VPS11: variants seen among roughly 807,000 people sequenced by gnomAD.
The protein encoded by VPS11 is vacuolar protein sorting-associated protein 11 homolog.
Under a neutral mutation model 106.8 loss-of-function variants are expected in VPS11, and 51 were observed. The observed-to-expected ratio is 0.48, with a 90% CI of 0.38 to 0.60. The LOEUF (loss-of-function observed/expected upper bound fraction) is 0.60, where lower values mean the gene tolerates loss of function less well. VPS11 is among the 20% of genes least tolerant of loss of function. The probability of loss-of-function intolerance (pLI) is 0.00; values close to 1 mark genes in which losing one functional copy is unlikely to be tolerated. For missense variants in VPS11, 950 were observed against 1,190.0 expected (o/e 0.80, Z 2.97); for synonymous variants, 453 against 458.7 (o/e 0.99, Z 0.16).
rs370582110 is a variant in VPS11 at position 119,070,219 on chromosome 11, C to G, written c.473-15C>G. On this transcript the variant is annotated splice_polypyrimidine_tract_variant and intron_variant, in intron 3 of 15. Coordinates refer to ENST00000621676, the MANE Select transcript of VPS11 (RefSeq NM_021729.6). ...TTTTCAGCCTTACTGAAGTAATTTT[C>G]TTGTTTTCTTACAGGTTTCACAGAT... 1 of 1,599,016 alleles carries G rather than the reference C, an allele frequency of 6.3e-7. No individual in the cohort carries two copies. Among genetic ancestry groups the G allele is most frequent in the Non-Finnish European group, 8.5e-7 (1 of 1,170,950 alleles).
chr11:119,070,432 G>C (rs782470900), intron 4 of VPS11, 35 bp downstream of exon 4: 2 of 1,582,470 alleles, frequency 1.3e-6, no homozygotes, highest in Admixed American at 3.5e-5. Flanking sequence ...GGAGCAGGCA[G>C]GGAGGGCTTC....
chr11:119,079,446 C>CA, intron 14 of VPS11, 146 bp downstream of exon 14: 2 of 1,043,282 alleles, frequency 1.9e-6, no homozygotes, highest in Non-Finnish European at 2.7e-6. Flanking sequence ...TGAGGAATTC[C>CA]AAAAAATGGT....
chr11:119,077,144 C>G, intron 8 of VPS11, 61 bp downstream of exon 8: 1 of 1,558,646 alleles, frequency 6.4e-7, no homozygotes, highest in Non-Finnish European at 8.7e-7. Flanking sequence ...GTGGCTCCAC[C>G]GGGACTTGTT....
At chr11:119,078,134 C>A in intron 10 of VPS11, 39 bp from the exon 11 acceptor site, 1 of 1,610,416 alleles carries the variant, frequency 6.2e-7, no homozygotes, top group South Asian at 1.1e-5. Context: ...ATATCACGCC[C>A]ACTCATTCAG....
Position 119,081,257 on chromosome 11 carries a change from G to T in VPS11, c.2604G>T (p.Met868Ile). 3 of 1,614,022 alleles carry T rather than the reference G, an allele frequency of 1.9e-6. No individual in the cohort carries two copies. The highest frequency in any genetic ancestry group is 2.5e-6 in the Non-Finnish European group (3 of 1,179,904). The change falls in exon 15 of 16, where the codon ATG (methionine) becomes ATT (isoleucine). Residue 868 changes from methionine (M) to isoleucine (I), a missense_variant. By Grantham distance (10) the Met-to-Ile change is conservative (BLOSUM62 1). This residue lies in a region of VPS11 where 453 missense variants were observed against 514.6 expected (regional missense o/e 0.88). Transcript: ENST00000621676. ...PTCLPENRKVMDMIRAQEQKR... is the reference protein window; with the variant it reads ...PTCLPENRKVIDMIRAQEQKR... ...GCCTCCCTGAAAACCGGAAGGTCAT[G>T]GATATGATCCGGGCCCAGGAACAGA...
intron 11 of VPS11, 94 bp from the exon 12 acceptor site, chr11:119,078,471 G>C: frequency 6.3e-7 from 1 of 1,577,192 alleles, no homozygotes; most frequent in South Asian, 1.1e-5. Flanking sequence ...TGTGAAGAGG[G>C]AATGGACTGA....
At position 119,078,844 on chromosome 11, in the gene VPS11, G is replaced by A; in HGVS notation, c.2113G>A (p.Val705Ile). The A allele has an allele frequency of 6.2e-7, 1 of 1,613,920 alleles. No individual in the cohort carries two copies. The highest frequency in any genetic ancestry group is 8.5e-7 in the Non-Finnish European group (1 of 1,179,864). ...CATGCAGCACGAGCAGTACCGGCAGGTCATCAGCGTGTGTGAGCGCCATGG... is the reference window on the plus strand; with the variant it reads ...CATGCAGCACGAGCAGTACCGGCAGATCATCAGCGTGTGTGAGCGCCATGG... ...YHMQHEQYRQ[V>I]ISVCERHGEQ... is the part of the protein sequence containing the mutation. Residue 705 changes from valine to isoleucine, a missense_variant, in exon 13 of 16, where the codon GTC (valine) becomes ATC (isoleucine). Val to Ile is a conservative substitution (Grantham distance 29). Transcript: ENST00000621676.
intron 6 of VPS11, 56 bp from the exon 7 acceptor site, chr11:119,073,744 G>T: frequency 2.5e-6 from 4 of 1,572,204 alleles, no homozygotes; most frequent in South Asian, 1.1e-5. Context: ...CACATTTTGG[G>T]AAAGTGTCTT....
intron 1 of VPS11, chr11:119,068,311 G>C (rs1166789089): frequency 2.5e-6 from 1 of 401,784 alleles, no homozygotes; most frequent in Non-Finnish European, 4.4e-6. Context: ...ATGCAAGTTG[G>C]CTTTAAAAGA....
In VPS11 at chr11:119,078,706, T is replaced by A; in HGVS notation, c.2063+2T>A. The A allele has an allele frequency of 6.2e-7, 1 of 1,610,526 alleles. No homozygotes were observed. Among genetic ancestry groups the A allele is most frequent in the Non-Finnish European group, 8.5e-7 (1 of 1,177,786 alleles). ...TTACCTTTATGAGCAGGGGAAGCTG[T>A]AAGAGTTTGGGGAATTTCAGGGAAA... On this transcript the variant is annotated splice_donor_variant, in intron 12 of 15. Coordinates refer to ENST00000621676, the MANE Select transcript of VPS11 (RefSeq NM_021729.6). LOFTEE classifies it high-confidence loss of function.
chr11:119,068,545 C>G (rs980741114), intron 1 of VPS11, among the ~76,000 whole-genome samples: 1 of 137,454 alleles, frequency 7.3e-6, no homozygotes, highest in African/African-American at 2.7e-5. Context: ...CTCTTGAGTT[C>G]AAGCGATTCT....
intron 7 of VPS11, among the ~76,000 whole-genome samples, chr11:119,075,578 G>T (rs1197445275): frequency 1.3e-5 from 2 of 150,832 alleles, no homozygotes; most frequent in Non-Finnish European, 2.9e-5. Flanking sequence ...AAGGCCAGGC[G>T]TGGTGGCTCA....
rs568985417 is a variant in VPS11 at position 119,073,929 on chromosome 11, G to A, written c.1216G>A (p.Gly406Arg). The A allele has an allele frequency of 1.2e-6, 2 of 1,613,034 alleles. No homozygotes were observed. The highest frequency in any genetic ancestry group is 1.7e-5 in the Admixed American group (1 of 60,010). ...DHLYSKGNHD[G>R]AVQQYIRTIG... ...TCTCTACAGCAAGGGCAACCACGAT[G>A]GGGCTGTCCAGCAATATATCCGGTC... Residue 406 changes from glycine (G) to arginine (R), a missense_variant, in exon 7 of 16, where the codon GGG becomes AGG. Physicochemically the swap from Gly to Arg is moderately radical, Grantham distance 125. Coordinates refer to ENST00000621676, the MANE Select transcript of VPS11 (RefSeq NM_021729.6).
intron 7 of VPS11, among the ~76,000 whole-genome samples, chr11:119,074,377 C>T (rs562618811): frequency 2.0e-5 from 3 of 151,878 alleles, no homozygotes; most frequent in East Asian, 1.9e-4. Context: ...TGAGCCACTG[C>T]GCCCGGTGTT....
chr11:119,076,930 C>A lies in VPS11; in HGVS notation c.1272C>A (p.Ile424=), dbSNP rs1199956048. ...GAAAGTTGGAGCCATCCTACGTGAT[C>A]CGCAAGTTTCTGGATGCCCAGCGCA... is the stretch of plus-strand genomic sequence containing the variant. ...TIGKLEPSYV[I]RKFLDAQRIH... Residue 424 remains isoleucine (I), a synonymous_variant, in exon 8 of 16, where the codon ATC becomes ATA. Transcript: ENST00000621676. The A allele has an allele frequency of 3.1e-6, 5 of 1,613,886 alleles. No homozygotes were observed. The highest frequency in any genetic ancestry group is 1.7e-5 in the Admixed American group (1 of 60,004).
At chr11:119,072,252 C>T (rs1300006889) in intron 5 of VPS11, 1 of 183,738 alleles carries the variant, frequency 5.4e-6, no homozygotes, top group Non-Finnish European at 1.2e-5. Context: ...AGGTGTGAGC[C>T]ACTGCACCCA....
At position 119,067,955 on chromosome 11, in the gene VPS11, C is replaced by T; in HGVS notation, c.132C>T (p.Cys44=). 2.5e-6 allele frequency: 4 copies of T among 1,612,856 alleles called. No individual in the cohort carries two copies. In the Middle Eastern group the frequency reaches 6.6e-4, roughly 266 times the overall value. The part of the protein sequence containing the change: ...ASGSAASKFL[C]LPPGITVCDS... ...GATCCGCTGCTTCCAAGTTCCTTTGCCTCCCTCCTGGCATCACTGTCTGCG... is the reference window on the plus strand; with the variant it reads ...GATCCGCTGCTTCCAAGTTCCTTTGTCTCCCTCCTGGCATCACTGTCTGCG... Residue 44 remains cysteine (C), a synonymous_variant, in exon 1 of 16, where the codon TGC becomes TGT. Transcript: ENST00000621676.
Position 119,073,225 on chromosome 11 carries a change from G to C in VPS11, c.912G>C (p.Gln304His), listed in dbSNP as rs891570244. Residue 304 changes from glutamine (Q) to histidine (H), a missense_variant, in exon 6 of 16, where the codon CAG (glutamine) becomes CAC (histidine). Physicochemically the swap from Gln to His is conservative, Grantham distance 24. Around this residue, in one of 3 missense-constraint regions of VPS11, gnomAD observed 435 missense variants for 630.2 expected, o/e 0.69. Transcript: ENST00000621676. ...PKSEFTSRDS[Q>H]SSDKQILNIY... ...CAGAGTTTACCAGCAGGGATTCACA[G>C]AGCTCCGACAAGCAGATTCTAAACA... 20 of 1,613,484 alleles carry C rather than the reference G, an allele frequency of 1.2e-5. No homozygotes were observed. The highest frequency in any genetic ancestry group is 8.3e-5 in the Admixed American group (5 of 59,898).
intron 7 of VPS11, among the ~76,000 whole-genome samples, chr11:119,075,825 C>G (rs1233547460): frequency 6.6e-6 from 1 of 151,872 alleles, no homozygotes; most frequent in Non-Finnish European, 1.5e-5. Flanking sequence ...TCACTTGAAC[C>G]TGGGAAGCAG....
Sources: gnomAD v4.1 joint callset for allele counts (sites outside exome capture counted in the v4.1 genomes callset) on GRCh38, gnomAD v4.1.1 for gene constraint, gnomAD v4.1.1 regional missense constraint, MANE v1.5 for transcripts, NCBI Gene and HGNC (gene_info 2026-07-23, HGNC 2026-07-21) for gene names.